Variants in UCK2 observed in about 807,000 individuals in gnomAD.
The protein encoded by UCK2 is uridine-cytidine kinase 2.
UCK2 carries 6 observed loss-of-function variants against 30.8 expected under a neutral mutation model. The observed-to-expected ratio is 0.19, with a 90% CI of 0.11 to 0.38. The LOEUF (loss-of-function observed/expected upper bound fraction) is 0.38, where lower values mean the gene tolerates loss of function less well. Ranked by LOEUF, UCK2 falls within the 10% of genes least tolerant of loss-of-function variation. The probability of loss-of-function intolerance (pLI) is 1.00; values close to 1 mark genes in which losing one functional copy is unlikely to be tolerated. For synonymous variants in UCK2, 125 were observed against 133.6 expected, an observed-to-expected ratio of 0.94 and a Z score of 0.45; for missense variants, 210 against 339.8, an observed-to-expected ratio of 0.62 and a Z score of 3.00.
intron 6 of UCK2, 152 bp from the exon 7 acceptor site, chr1:165,907,532 G>A: frequency 9.8e-7 from 1 of 1,022,784 alleles, no homozygotes; most frequent in Non-Finnish European, 1.4e-6. Context: ...GAGCCACTGG[G>A]AAGTTGGATG....
chr1:165,879,829 A>ATAAGAATTATTATTT (rs1189458729), intron 1 of UCK2, among the ~76,000 whole-genome samples: 3 of 152,178 alleles, frequency 2.0e-5, no homozygotes, highest in Admixed American at 1.3e-4. Flanking sequence ...ATGAAGAATA[A>ATAAGAATTATTATTT]ATAATAAGAT....
intron 1 of UCK2, among the ~76,000 whole-genome samples, chr1:165,840,250 T>G (rs913607604): frequency 6.6e-6 from 1 of 152,258 alleles, no homozygotes; most frequent in African/African-American, 2.4e-5. Context: ...TTTAAATAGT[T>G]ATTCATTGAT....
intron 1 of UCK2, among the ~76,000 whole-genome samples, chr1:165,877,881 C>T (rs1655378887): frequency 6.6e-6 from 1 of 152,094 alleles, no homozygotes; most frequent in Non-Finnish European, 1.5e-5. Flanking sequence ...ATAGAGATTT[C>T]TCTGATTCCC....
intron 1 of UCK2, among the ~76,000 whole-genome samples, chr1:165,857,929 A>C (rs1167809261): frequency 2.6e-5 from 4 of 152,160 alleles, no homozygotes; most frequent in African/African-American, 4.8e-5. Flanking sequence ...ACTAGGAGAG[A>C]CTGTCTGTAT....
rs926470497 is a variant in UCK2 at position 165,827,727 on chromosome 1, G to A, written c.-107G>A. On this transcript the variant is annotated 5_prime_UTR_variant, in exon 1 of 7. Coordinates refer to ENST00000367879, the MANE Select transcript of UCK2 (RefSeq NM_012474.5). ...GGCGAGCGACAGCGGCCTCAGCCCC[G>A]GCAGCGCCCAGCGGCGGCTGCGGAA... 3.8e-6 allele frequency: 4 copies of A among 1,054,118 alleles called. No homozygotes were observed. The highest frequency in any genetic ancestry group is 3.3e-5 in the African/African-American group (2 of 59,992). 65.3% of individuals were successfully genotyped at this position (1,054,118 alleles called of 1,614,324 possible).
chr1:165,854,598 A>AAAATAAAT lies in UCK2; in HGVS notation c.99+26706_99+26713dup, dbSNP rs10571444. 9.2e-3 allele frequency among the ~76,000 whole-genome samples: 1,321 copies of AAAATAAAT among 143,682 alleles called. 12 individuals carry two copies. Among genetic ancestry groups the AAAATAAAT allele is most frequent in the East Asian group, 0.034 (164 of 4,864 alleles). The allele number at this position is 143,682 out of a possible 152,430, so 94.3% of individuals were successfully genotyped here. A position where few individuals can be genotyped will look rare whatever the true frequency, so the allele number is the denominator to read the frequency against. ...ATTGCTAACTAGGCTTCCTTTTTTA[A>AAAATAAAT]AAATAAATAAATAAATAAATAAATA... On this transcript the variant is annotated intron_variant, in intron 1 of 6. Coordinates refer to ENST00000367879, the MANE Select transcript of UCK2 (RefSeq NM_012474.5).
chr1:165,861,436 G>A (rs899312059), intron 1 of UCK2, among the ~76,000 whole-genome samples: 3 of 151,562 alleles, frequency 2.0e-5, no homozygotes, highest in South Asian at 2.1e-4. Flanking sequence ...AGACCATCCC[G>A]GCTAAAACGG....
chr1:165,827,777 CG>C lies in UCK2; in HGVS notation c.-54del. 7.8e-7 allele frequency: 1 copy of C among 1,286,462 alleles called. No homozygotes were observed. Among genetic ancestry groups the C allele is most frequent in the Non-Finnish European group, 9.9e-7 (1 of 1,005,694 alleles). 79.7% of individuals were successfully genotyped at this position (1,286,462 alleles called of 1,614,324 possible). On this transcript the variant is annotated 5_prime_UTR_variant, in exon 1 of 7. Coordinates refer to ENST00000367879, the MANE Select transcript of UCK2 (RefSeq NM_012474.5). ...AAGCGGAGGGAGTCCGACGCGGGCG[CG>C]GGCGGGGAGCGTGCGTCCGTTCGCA...
intron 1 of UCK2, among the ~76,000 whole-genome samples, chr1:165,858,736 C>A (rs540493195): frequency 2.0e-5 from 3 of 152,116 alleles, no homozygotes; most frequent in Non-Finnish European, 4.4e-5. Flanking sequence ...TAGGAACTTC[C>A]CCTTCCCAAT....
chr1:165,865,045 T>C (rs190555129), intron 1 of UCK2, among the ~76,000 whole-genome samples: 2 of 152,312 alleles, frequency 1.3e-5, no homozygotes, highest in East Asian at 3.9e-4. Flanking sequence ...ACTTAATGTA[T>C]ACTGAACATC....
intron 1 of UCK2, among the ~76,000 whole-genome samples, chr1:165,882,447 T>C (rs190327000): frequency 2.3e-3 from 351 of 152,340 alleles, no homozygotes; most frequent in Admixed American, 7.1e-3. Context: ...TTAAAGATAG[T>C]GTACCTCATT....
At position 165,868,388 on chromosome 1, in the gene UCK2, T is replaced by C. The variant is rs941595553; in HGVS notation, c.100-21816T>C. The stretch of plus-strand genomic sequence containing the variant: ...CTTTGAAGTCAGGCATTGACTTCTC[T>C]AGCTGCGAAAGTCTTAGATGGCATA... On this transcript the variant is annotated intron_variant, in intron 1 of 6. Transcript: ENST00000367879. Among the ~76,000 whole-genome samples the C allele has an allele frequency of 2.6e-5, 4 of 152,254 alleles. No individual in the cohort carries two copies. The East Asian group carries it at 5.8e-4, about 22-fold the overall frequency.
chr1:165,906,597 A>G (rs1647669369), intron 6 of UCK2, among the ~76,000 whole-genome samples: 1 of 152,126 alleles, frequency 6.6e-6, no homozygotes, highest in South Asian at 2.1e-4. Flanking sequence ...TAAAACTCCT[A>G]CCTCAAGCGA....
chr1:165,840,858 C>T (rs755631002), intron 1 of UCK2, among the ~76,000 whole-genome samples: 4 of 152,078 alleles, frequency 2.6e-5, no homozygotes, highest in Non-Finnish European at 4.4e-5. Context: ...TTTAAAAAAA[C>T]CTTTTAATTA....
At chr1:165,842,179 T>C (rs1654346411) in intron 1 of UCK2, among the ~76,000 whole-genome samples, 1 of 152,190 alleles carries the variant, frequency 6.6e-6, no homozygotes, top group Non-Finnish European at 1.5e-5. Context: ...CTCTCACCAT[T>C]CTTCTCAGTC....
chr1:165,855,917 C>CGTAA (rs1654731849), intron 1 of UCK2, among the ~76,000 whole-genome samples: 1 of 152,110 alleles, frequency 6.6e-6, no homozygotes, highest in Non-Finnish European at 1.5e-5. Context: ...GGCCTTTTTA[C>CGTAA]GCCCTGGTGC....
Position 165,902,557 on chromosome 1 carries a change from C to T in UCK2, c.500-625C>T, listed in dbSNP as rs866923792. On this transcript the variant is annotated intron_variant, in intron 4 of 6. Coordinates refer to ENST00000367879, the MANE Select transcript of UCK2 (RefSeq NM_012474.5). ...TTCATCTCAGCCCCAGCCCACCATT[C>T]TCTAGGCCATGGTTTTCTTATCTTT... The T allele has an allele frequency of 3.7e-5, 5 of 133,938 alleles. No individual in the cohort carries two copies. In the South Asian group the frequency reaches 1.2e-3, roughly 32 times the overall value. The allele number at this position is 133,938 out of a possible 1,614,324, so 8.3% of individuals were successfully genotyped here.
chr1:165,832,531 A>C lies in UCK2; in HGVS notation c.99+4599A>C, dbSNP rs1339738823. 3.9e-5 allele frequency among the ~76,000 whole-genome samples: 6 copies of C among 152,124 alleles called. No homozygotes were observed. In the East Asian group the frequency reaches 1.2e-3, roughly 29 times the overall value. ...TTGAAGTCAGGCATGTGTCTTCCCT[A>C]CTGGTAGATGACAATGGAAGATGAG... On this transcript the variant is annotated intron_variant, in intron 1 of 6. Transcript: ENST00000367879.
intron 1 of UCK2, among the ~76,000 whole-genome samples, chr1:165,839,182 A>T (rs746642841): frequency 1.2e-4 from 19 of 152,170 alleles, no homozygotes; most frequent in Admixed American, 3.9e-4. Context: ...GAGGTAAGAT[A>T]TGCTTTTTTT....
Sources: gnomAD v4.1 joint callset for allele counts (sites outside exome capture counted in the v4.1 genomes callset) on GRCh38, gnomAD v4.1.1 for gene constraint, MANE v1.5 for transcripts, NCBI Gene and HGNC (gene_info 2026-07-23, HGNC 2026-07-21) for gene names.